The following PAK5 variants were observed in gnomAD, a reference collection of about 807,000 sequenced individuals.
PAK5 encodes p21 (RAC1) activated kinase 5.
PAK5 carries 16 observed loss-of-function variants against 65.9 expected under a neutral mutation model. The observed-to-expected ratio is 0.24, with a 90% CI of 0.16 to 0.37. The LOEUF (loss-of-function observed/expected upper bound fraction) is 0.37, where lower values mean the gene tolerates loss of function less well. Ranked by LOEUF, PAK5 falls within the 10% of genes least tolerant of loss-of-function variation. PAK5 has a pLI of 1.00. For synonymous variants in PAK5, 371 were observed against 354.9 expected, an observed-to-expected ratio of 1.05 and a Z score of -0.51; for missense variants, 785 against 903.9, an observed-to-expected ratio of 0.87 and a Z score of 1.69.
At position 9,664,496 on chromosome 20, in the gene PAK5, A is replaced by G. The variant is rs184234499; in HGVS notation, c.-11-20157T>C. Among the ~76,000 whole-genome samples, 21 of 152,312 alleles carry G rather than the reference A, an allele frequency of 1.4e-4. No individual in the cohort carries two copies. The East Asian group carries it at 4.0e-3, about 29-fold the overall frequency. ...TCAAAAATGGCTGACAAACTGCAAT[A>G]TTACAGCATCTATACTATATTTATC... On this transcript the variant is annotated intron_variant, in intron 2 of 9. Transcript: ENST00000353224.
At chr20:9,672,400 C>G (rs763002239) in intron 2 of PAK5, among the ~76,000 whole-genome samples, 7 of 149,478 alleles carry the variant, frequency 4.7e-5, no homozygotes, top group African/African-American at 7.4e-5. Context: ...AATTGTAGCT[C>G]CCATAATTCC....
chr20:9,593,874 T>C (rs1320721471), intron 3 of PAK5, among the ~76,000 whole-genome samples: 1 of 152,146 alleles, frequency 6.6e-6, no homozygotes, highest in Non-Finnish European at 1.5e-5. Flanking sequence ...GTAAGAGATG[T>C]GTTCACATTT....
chr20:9,821,510 T>C (rs910399272), intron 1 of PAK5, among the ~76,000 whole-genome samples: 6 of 152,226 alleles, frequency 3.9e-5, no homozygotes, highest in African/African-American at 1.4e-4. Context: ...CAATCACTGA[T>C]ATGACCTAAC....
intron 2 of PAK5, among the ~76,000 whole-genome samples, chr20:9,683,896 T>C (rs1176541455): frequency 6.6e-6 from 1 of 152,170 alleles, no homozygotes; most frequent in Non-Finnish European, 1.5e-5. Flanking sequence ...AATATGAATG[T>C]AGTGCATTTA....
At chr20:9,722,713 T>C (rs1038272850) in intron 1 of PAK5, among the ~76,000 whole-genome samples, 1 of 152,166 alleles carries the variant, frequency 6.6e-6, no homozygotes, top group Non-Finnish European at 1.5e-5. Flanking sequence ...TTTTGGATTT[T>C]ATTGTAAGTC....
At chr20:9,681,502 C>A (rs2047649182) in intron 2 of PAK5, among the ~76,000 whole-genome samples, 1 of 151,858 alleles carries the variant, frequency 6.6e-6, no homozygotes, top group African/African-American at 2.4e-5. Flanking sequence ...TATTTGTTAT[C>A]ATTCCTTTTC....
chr20:9,646,895 A>T (rs575212995), intron 2 of PAK5, among the ~76,000 whole-genome samples: 11 of 152,356 alleles, frequency 7.2e-5, no homozygotes, highest in African/African-American at 2.4e-4. Flanking sequence ...AGAGCTGCCC[A>T]GCTGACCAGC....
intron 3 of PAK5, among the ~76,000 whole-genome samples, chr20:9,607,676 G>A (rs1406639255): frequency 6.6e-6 from 1 of 151,958 alleles, no homozygotes; most frequent in Non-Finnish European, 1.5e-5. Flanking sequence ...TAAAAAATTA[G>A]CCAGGCATGG....
chr20:9,808,964 A>G (rs2049265133), intron 1 of PAK5, among the ~76,000 whole-genome samples: 1 of 152,198 alleles, frequency 6.6e-6, no homozygotes, highest in African/African-American at 2.4e-5. Context: ...AGAAGTATAC[A>G]GGAATCAACT....
intron 2 of PAK5, among the ~76,000 whole-genome samples, chr20:9,653,049 G>A (rs1174709906): frequency 2.0e-5 from 3 of 152,018 alleles, no homozygotes; most frequent in Admixed American, 6.6e-5. Context: ...CTAACTCCTC[G>A]CTTCAACTCC....
intron 4 of PAK5, among the ~76,000 whole-genome samples, 192 bp from the exon 5 acceptor site, chr20:9,566,576 G>A (rs2045686325): frequency 6.6e-6 from 1 of 152,000 alleles, no homozygotes. Flanking sequence ...ACCACAGCAG[G>A]AGGTTACTTC....
chr20:9,707,200 C>T (rs1400917374), intron 2 of PAK5, among the ~76,000 whole-genome samples: 1 of 151,826 alleles, frequency 6.6e-6, no homozygotes, highest in Non-Finnish European at 1.5e-5. Context: ...GGTATGATCA[C>T]AGCCTATTTC....
chr20:9,562,774 G>GT, intron 6 of PAK5, 117 bp downstream of exon 6: 2 of 836,586 alleles, frequency 2.4e-6, no homozygotes, highest in South Asian at 3.4e-5. Context: ...GGAAAGGGTA[G>GT]TCATATTCCC....
rs2047105718 is a variant in PAK5 at position 9,644,331 on chromosome 20, T to C, written c.-3A>G. On this transcript the variant is annotated 5_prime_UTR_variant, in exon 3 of 10. Transcript: ENST00000353224. ...TTTTTCTTTTTCTTCCCAAACATGA[T>C]GCCAAAACCTGGGAAATATAAATGG... The C allele has an allele frequency of 6.2e-7, 1 of 1,606,964 alleles. No individual in the cohort carries two copies. Among genetic ancestry groups the C allele is most frequent in the Non-Finnish European group, 8.5e-7 (1 of 1,175,458 alleles).
chr20:9,634,214 T>C (rs1791942861), intron 3 of PAK5, among the ~76,000 whole-genome samples: 1 of 152,076 alleles, frequency 6.6e-6, no homozygotes, highest in Admixed American at 6.5e-5. Flanking sequence ...GAGCTGCAGG[T>C]GTGATAGATG....
chr20:9,704,108 C>T (rs2423425), intron 2 of PAK5, among the ~76,000 whole-genome samples: 46,969 of 151,980 alleles, frequency 0.31, 7,623 homozygotes, highest in African/African-American at 0.41. Context: ...CTCCTTATTC[C>T]GAACATGGCC....
chr20:9,670,468 C>T (rs1179407635), intron 2 of PAK5, among the ~76,000 whole-genome samples: 1 of 152,176 alleles, frequency 6.6e-6, no homozygotes, highest in Non-Finnish European at 1.5e-5. Flanking sequence ...GCCATTCTAA[C>T]TGGTGTGAGA....
chr20:9,558,449 A>G (rs1238185751), intron 6 of PAK5, among the ~76,000 whole-genome samples: 1 of 152,154 alleles, frequency 6.6e-6, no homozygotes. Flanking sequence ...CATAGGCATC[A>G]ACAAGCCTCC....
rs1473030245 is a variant in PAK5 at position 9,580,564 on chromosome 20, C to A, written c.571G>T (p.Asp191Tyr). 6.2e-7 allele frequency: 1 copy of A among 1,614,052 alleles called. No homozygotes were observed. The highest frequency in any genetic ancestry group is 1.7e-5 in the Admixed American group (1 of 60,010). Reference sequence around the variant, plus strand: ...TAATCGGCAGAAAATCTGGCAAAATCGGATTTCAAAGGCTTCACCTCAGAA... The same window carrying A: ...TAATCGGCAGAAAATCTGGCAAAATAGGATTTCAAAGGCTTCACCTCAGAA... ...YYSEVKPLKS[D>Y]FARFSADYHS... Residue 191 changes from aspartate (D) to tyrosine (Y), a missense_variant, in exon 4 of 10, where the codon GAT becomes TAT. By Grantham distance (160) the Asp-to-Tyr change is radical. Coordinates refer to ENST00000353224, the MANE Select transcript of PAK5 (RefSeq NM_177990.4).
Sources: allele counts gnomAD v4.1 joint callset (sites outside exome capture counted in the v4.1 genomes callset), GRCh38; gene constraint gnomAD v4.1.1; transcripts MANE v1.5; gene names NCBI Gene and HGNC (gene_info 2026-07-23, HGNC 2026-07-21).